CCSER1: variants seen among roughly 807,000 people sequenced by gnomAD.
CCSER1 encodes the protein serine-rich coiled-coil domain-containing protein 1.
A neutral mutation model predicts 82.0 loss-of-function variants in CCSER1; 41 were observed. The observed-to-expected ratio is 0.50, with a 90% CI of 0.39 to 0.65. The LOEUF is 0.65. Among genes scored for constraint, CCSER1 ranks in the 30% least tolerant of loss-of-function variants. The probability of loss-of-function intolerance (pLI) is 0.00; values close to 1 mark genes in which losing one functional copy is unlikely to be tolerated. For missense variants in CCSER1, 1,119 were observed against 1,064.2 expected (o/e 1.05, Z -0.72); for synonymous variants, 414 against 383.9 (o/e 1.08, Z -0.92).
chr4:91,075,829 A>T (rs190966132), intron 9 of CCSER1, among the ~76,000 whole-genome samples: 1 of 152,238 alleles, frequency 6.6e-6, no homozygotes, highest in East Asian at 1.9e-4. Flanking sequence ...TTGGGGTGAT[A>T]TTACAGTATG....
intron 3 of CCSER1, among the ~76,000 whole-genome samples, chr4:90,318,097 G>A (rs532653403): frequency 6.6e-6 from 1 of 152,240 alleles, no homozygotes; most frequent in South Asian, 2.1e-4. Context: ...GTCATTTAAT[G>A]GGCCCTGACT....
chr4:91,436,051 T>C (rs1019510219), intron 10 of CCSER1, among the ~76,000 whole-genome samples: 4 of 152,222 alleles, frequency 2.6e-5, no homozygotes, highest in Non-Finnish European at 4.4e-5. Context: ...ATTTTCATCA[T>C]TGAAGGTAGA....
chr4:91,315,814 C>G (rs906461438), intron 10 of CCSER1, among the ~76,000 whole-genome samples: 3 of 151,904 alleles, frequency 2.0e-5, no homozygotes, highest in Non-Finnish European at 4.4e-5. Flanking sequence ...GTTGCTAGTT[C>G]CACAGCTTAT....
chr4:91,033,646 T>C (rs1741178984), intron 9 of CCSER1, among the ~76,000 whole-genome samples: 1 of 152,132 alleles, frequency 6.6e-6, no homozygotes, highest in Non-Finnish European at 1.5e-5. Context: ...TTCTACTCTG[T>C]GCCACAGGAT....
At chr4:90,266,009 G>A (rs1725169114) in intron 1 of CCSER1, among the ~76,000 whole-genome samples, 1 of 152,012 alleles carries the variant, frequency 6.6e-6, no homozygotes, top group South Asian at 2.1e-4. Context: ...GTTTAACTGG[G>A]AAAACCCTTA....
intron 5 of CCSER1, among the ~76,000 whole-genome samples, chr4:90,601,428 T>C (rs1455509933): frequency 6.6e-6 from 1 of 152,026 alleles, no homozygotes; most frequent in Non-Finnish European, 1.5e-5. Context: ...TTTCTTCACT[T>C]TTCTCTCCCT....
At chr4:90,691,668 CGTGT>C (rs902793329) in intron 6 of CCSER1, among the ~76,000 whole-genome samples, 2 of 148,372 alleles carry the variant, frequency 1.3e-5, no homozygotes, top group Non-Finnish European at 3.0e-5. Flanking sequence ...TGCATATGTA[CGTGT>C]GTATCTATGT....
chr4:90,519,870 C>T (rs1772854685), intron 5 of CCSER1, among the ~76,000 whole-genome samples: 1 of 151,920 alleles, frequency 6.6e-6, no homozygotes, highest in Non-Finnish European at 1.5e-5. Context: ...CAGAAAAAAA[C>T]TTAAATAATC....
intron 4 of CCSER1, among the ~76,000 whole-genome samples, chr4:90,458,020 G>T (rs1762408362): frequency 6.6e-6 from 1 of 152,156 alleles, no homozygotes; most frequent in South Asian, 2.1e-4. Flanking sequence ...CAGGGTCATG[G>T]CCGTGCCCAG....
chr4:91,206,449 G>T (rs1394990055), intron 10 of CCSER1, among the ~76,000 whole-genome samples: 2 of 151,954 alleles, frequency 1.3e-5, no homozygotes, highest in Admixed American at 1.3e-4. Flanking sequence ...AGGCACAGCA[G>T]GTTAAGGCCA....
intron 8 of CCSER1, among the ~76,000 whole-genome samples, chr4:90,863,049 A>G (rs1765292120): frequency 6.6e-6 from 1 of 150,784 alleles, no homozygotes; most frequent in South Asian, 2.1e-4. Context: ...TTAACTCATC[A>G]TTTAGCATTA....
Position 90,938,833 on chromosome 4 carries a change from T to G in CCSER1, c.2172+15386T>G, listed in dbSNP as rs1731260288. 3 of 175,486 alleles carry G rather than the reference T, an allele frequency of 1.7e-5. No individual in the cohort carries two copies. The East Asian group carries it at 4.7e-4, about 28-fold the overall frequency. 10.9% of individuals were successfully genotyped at this position (175,486 alleles called of 1,614,324 possible). A position where few individuals can be genotyped will look rare whatever the true frequency, so the allele number is the denominator to read the frequency against. The stretch of plus-strand genomic sequence containing the variant: ...TTTTCATCATTTCATATTTTAAGTA[T>G]GTAATATAGAAAAATTTTCAGTTCA... On this transcript the variant is annotated intron_variant, in intron 9 of 10. Transcript: ENST00000509176.
chr4:90,201,272 A>G (rs905648541), intron 1 of CCSER1, among the ~76,000 whole-genome samples: 9 of 152,148 alleles, frequency 5.9e-5, no homozygotes, highest in African/African-American at 2.2e-4. Context: ...TTGCATGAAT[A>G]TTACGTAAAC....
chr4:90,162,891 A>G (rs1428089738), intron 1 of CCSER1, among the ~76,000 whole-genome samples: 1 of 152,178 alleles, frequency 6.6e-6, no homozygotes, highest in Non-Finnish European at 1.5e-5. Flanking sequence ...AAGCGTGTTA[A>G]TATTTTAGGT....
At chr4:91,086,239 C>T (rs1723380832) in intron 10 of CCSER1, among the ~76,000 whole-genome samples, 1 of 152,092 alleles carries the variant, frequency 6.6e-6, no homozygotes, top group Non-Finnish European at 1.5e-5. Context: ...ATTAGGCAAG[C>T]ATTGTTTCTG....
chr4:90,983,027 T>G (rs1736259971), intron 9 of CCSER1, among the ~76,000 whole-genome samples: 1 of 151,806 alleles, frequency 6.6e-6, no homozygotes, highest in Non-Finnish European at 1.5e-5. Context: ...TTAGACCTTC[T>G]CATTTACCAG....
At chr4:90,565,070 A>G (rs1779206594) in intron 5 of CCSER1, among the ~76,000 whole-genome samples, 1 of 150,474 alleles carries the variant, frequency 6.6e-6, no homozygotes, top group Non-Finnish European at 1.5e-5. Flanking sequence ...TGTCATTGGT[A>G]TATTGATAGG....
rs532779928 is a variant in CCSER1, at chr4:90,508,273, G to T, written c.1724+39919G>T. On this transcript the variant is annotated intron_variant, in intron 5 of 10. Coordinates refer to ENST00000509176, the MANE Select transcript of CCSER1 (RefSeq NM_001145065.2). ...TCTAATAAAGGAGGAATAAAATTTG[G>T]TTAGTTTGGTCTATTTATCTATACA... is the stretch of plus-strand genomic sequence containing the variant. 9.1e-4 allele frequency among the ~76,000 whole-genome samples: 138 copies of T among 152,078 alleles called. 2 individuals are homozygous for T. In the South Asian group the frequency reaches 0.025, roughly 28 times the overall value.
intron 10 of CCSER1, among the ~76,000 whole-genome samples, chr4:91,328,581 C>T (rs964572272): frequency 8.6e-5 from 13 of 151,988 alleles, no homozygotes; most frequent in Admixed American, 5.2e-4. Flanking sequence ...AAATATTTTC[C>T]GAACCACTTG....
Sources: gnomAD v4.1 joint callset for allele counts (sites outside exome capture counted in the v4.1 genomes callset) on GRCh38, gnomAD v4.1.1 for gene constraint, MANE v1.5 for transcripts, NCBI Gene and HGNC (gene_info 2026-07-23, HGNC 2026-07-21) for gene names.